FRMD4B: variants seen among roughly 807,000 people sequenced by gnomAD.
The protein encoded by FRMD4B is FERM domain containing 4B, also known as FERM domain-containing protein 4B.
FRMD4B carries 74 observed loss-of-function variants against 141.5 expected under a neutral mutation model. The observed-to-expected ratio is 0.52, with a 90% CI of 0.43 to 0.63. The LOEUF (loss-of-function observed/expected upper bound fraction) is 0.63. FRMD4B is among the 30% of genes least tolerant of loss of function. The pLI is 0.00. For synonymous variants in FRMD4B, 506 were observed against 467.9 expected, an observed-to-expected ratio of 1.08 and a Z score of -1.05; for missense variants, 1,366 against 1,253.4, an observed-to-expected ratio of 1.09 and a Z score of -1.36.
At chr3:69,188,775 A>AAAAAAAAAAAAAAC (rs1553696831) in intron 18 of FRMD4B, among the ~76,000 whole-genome samples, 7,256 of 147,930 alleles carry the variant, frequency 0.049, 484 homozygotes, top group East Asian at 0.24. Flanking sequence ...AAAAAAAAAA[A>AAAAAAAAAAAAAAC]AAAAAAAAAC....
intron 1 of FRMD4B, chr3:69,535,870 T>C: frequency 2.2e-6 from 1 of 446,634 alleles, no homozygotes; most frequent in Admixed American, 2.7e-5. Context: ...CACCTTCTGG[T>C]CGAGGAAGCA....
At chr3:69,402,660 A>T (rs1704585002) in intron 2 of FRMD4B, among the ~76,000 whole-genome samples, 1 of 152,184 alleles carries the variant, frequency 6.6e-6, no homozygotes, top group Non-Finnish European at 1.5e-5. Flanking sequence ...CAAACATAAG[A>T]TGTACAAAAT....
intron 1 of FRMD4B, among the ~76,000 whole-genome samples, chr3:69,521,133 G>A (rs1700847818): frequency 6.6e-6 from 1 of 152,120 alleles, no homozygotes; most frequent in Non-Finnish European, 1.5e-5. Flanking sequence ...CAGTGAGGAG[G>A]GACCCCAGAT....
intron 2 of FRMD4B, among the ~76,000 whole-genome samples, chr3:69,408,919 C>A (rs571225265): frequency 1.3e-5 from 2 of 152,236 alleles, no homozygotes; most frequent in Non-Finnish European, 2.9e-5. Flanking sequence ...ATTCTATCAA[C>A]CTGGGGTAAA....
intron 5 of FRMD4B, among the ~76,000 whole-genome samples, chr3:69,260,626 T>C (rs1037468738): frequency 6.6e-6 from 1 of 152,232 alleles, no homozygotes; most frequent in Admixed American, 6.5e-5. Flanking sequence ...GCCTAAGGGC[T>C]GAGGAGTGCA....
chr3:69,353,732 G>T, intron 1 of FRMD4B: 1 of 982,074 alleles, frequency 1.0e-6, no homozygotes, highest in South Asian at 4.7e-5. Context: ...GACGCCTTCC[G>T]CTGCCATATA....
chr3:69,455,788 A>T (rs990515172), intron 1 of FRMD4B, among the ~76,000 whole-genome samples: 5 of 152,144 alleles, frequency 3.3e-5, no homozygotes, highest in African/African-American at 1.2e-4. Flanking sequence ...AATGTCTTTA[A>T]CTGTGTTAAT....
chr3:69,393,756 T>A (rs994555796), intron 2 of FRMD4B, among the ~76,000 whole-genome samples: 1 of 152,218 alleles, frequency 6.6e-6, no homozygotes, highest in Non-Finnish European at 1.5e-5. Flanking sequence ...AGCACCATTA[T>A]TTTTTCTAAA....
chr3:69,283,337 T>C (rs1313853119), intron 5 of FRMD4B, among the ~76,000 whole-genome samples: 1 of 150,274 alleles, frequency 6.7e-6, no homozygotes, highest in Non-Finnish European at 1.5e-5. Flanking sequence ...TGAGCTGAGA[T>C]TGCACCATTG....
At chr3:69,464,728 G>A (rs1705755215) in intron 1 of FRMD4B, among the ~76,000 whole-genome samples, 1 of 152,096 alleles carries the variant, frequency 6.6e-6, no homozygotes, top group African/African-American at 2.4e-5. Flanking sequence ...GGGCTCCTAA[G>A]GGAACAACAC....
At chr3:69,372,745 G>A (rs1433741540) in intron 1 of FRMD4B, among the ~76,000 whole-genome samples, 2 of 152,156 alleles carry the variant, frequency 1.3e-5, no homozygotes, top group Non-Finnish European at 2.9e-5. Context: ...GATATCCAGT[G>A]TGTATTATGG....
chr3:69,169,375 T>TTTTTTTTTTC lies in FRMD4B; in HGVS notation c.*2485_*2486insGAAAAAAAAA. ...TTTCTTTTTTTTTTTTTTTTTTTTT[T>TTTTTTTTTTC]CTTGAGACAAGGTCTGTTATTGCCT... On this transcript the variant is annotated 3_prime_UTR_variant, in exon 23 of 23. Transcript: ENST00000398540. Among the ~76,000 whole-genome samples, 1 of 124,610 alleles carries TTTTTTTTTTC rather than the reference T, an allele frequency of 8.0e-6. No homozygotes were observed. Among genetic ancestry groups the TTTTTTTTTTC allele is most frequent in the Non-Finnish European group, 1.7e-5 (1 of 59,464 alleles). The allele number at this position is 124,610 out of a possible 152,430, so 81.7% of individuals were successfully genotyped here. A position where few individuals can be genotyped will look rare whatever the true frequency, so the allele number is the denominator to read the frequency against.
chr3:69,408,851 C>CCTTGGGCTCACTCCCAAGTTGCA (rs1704704160), intron 2 of FRMD4B, among the ~76,000 whole-genome samples: 3 of 152,048 alleles, frequency 2.0e-5, no homozygotes, highest in Non-Finnish European at 4.4e-5. Flanking sequence ...CACCTGGGGA[C>CCTTGGGCTCACTCCCAAGTTGCA]CACTGCTTAG....
chr3:69,427,035 G>GA (rs768323499), intron 2 of FRMD4B, among the ~76,000 whole-genome samples: 15 of 151,990 alleles, frequency 9.9e-5, no homozygotes, highest in Non-Finnish European at 2.1e-4. Context: ...AAGTCTACTT[G>GA]AAAAATGTCA....
chr3:69,178,380 A>C (rs926350811), intron 21 of FRMD4B, among the ~76,000 whole-genome samples: 30 of 152,148 alleles, frequency 2.0e-4, no homozygotes, highest in African/African-American at 6.8e-4. Context: ...TTGGTGGTTA[A>C]GATGTTAGAG....
At chr3:69,314,094 G>A (rs1387462546) in intron 1 of FRMD4B, among the ~76,000 whole-genome samples, 1 of 109,850 alleles carries the variant, frequency 9.1e-6, no homozygotes, top group Non-Finnish European at 1.7e-5. Context: ...AGCCGAGATC[G>A]CGCCACTGCA....
At chr3:69,245,354 T>TGTGTGTG (rs1491184546) in intron 7 of FRMD4B, among the ~76,000 whole-genome samples, 1 of 148,252 alleles carries the variant, frequency 6.7e-6, no homozygotes, top group African/African-American at 2.6e-5. Flanking sequence ...TGTGTGTGTG[T>TGTGTGTG]TTTTAGACAG....
intron 1 of FRMD4B, among the ~76,000 whole-genome samples, chr3:69,498,429 T>A (rs1706437862): frequency 6.6e-6 from 1 of 152,138 alleles, no homozygotes. Context: ...AGCCTGCACG[T>A]GTGTGTGCAT....
intron 2 of FRMD4B, among the ~76,000 whole-genome samples, chr3:69,427,907 C>T (rs773879433): frequency 5.9e-5 from 9 of 152,060 alleles, no homozygotes; most frequent in East Asian, 5.8e-4. Context: ...CTGCCCACCT[C>T]GGCCTCCCAA....
Sources: gnomAD v4.1 joint callset for allele counts (sites outside exome capture counted in the v4.1 genomes callset) on GRCh38, gnomAD v4.1.1 for gene constraint, MANE v1.5 for transcripts, NCBI Gene and HGNC (gene_info 2026-07-23, HGNC 2026-07-21) for gene names.